The following IGF1 variants were observed in gnomAD, a reference collection of about 807,000 sequenced individuals.
IGF1 encodes the protein insulin-like growth factor 1.
Under a neutral mutation model 13.8 loss-of-function variants are expected in IGF1, and 4 were observed. That is an observed-to-expected ratio of 0.29 (90% CI 0.14 to 0.66). The LOEUF (loss-of-function observed/expected upper bound fraction) is 0.66. Among genes scored for constraint, IGF1 ranks in the 30% least tolerant of loss-of-function variants. The pLI, the probability that IGF1 is intolerant of heterozygous loss-of-function variation, is 0.78. For synonymous variants in IGF1, 76 were observed against 72.6 expected, an observed-to-expected ratio of 1.05 and a Z score of -0.23; for missense variants, 124 against 188.5, an observed-to-expected ratio of 0.66 and a Z score of 2.00.
chr12:102,427,177 G>A lies in IGF1; in HGVS notation c.221-7487C>T, dbSNP rs553004663. Among the ~76,000 whole-genome samples, 37 of 152,256 alleles carry A rather than the reference G, an allele frequency of 2.4e-4. No homozygotes were observed. In the East Asian group the frequency reaches 3.7e-3, roughly 15 times the overall value. On this transcript the variant is annotated intron_variant, in intron 2 of 3. Coordinates refer to ENST00000337514, the MANE Select transcript of IGF1 (RefSeq NM_000618.5). ...GAATAAGAAGGGATGTTGAGGAATC[G>A]CATACGTGGGCCTTAGCTGTCTCAT...
chr12:102,464,395 A>T (rs913330401), intron 2 of IGF1, among the ~76,000 whole-genome samples: 9 of 150,630 alleles, frequency 6.0e-5, no homozygotes, highest in Non-Finnish European at 8.8e-5. Context: ...GGGGACTGGA[A>T]GAAGGAAATA....
intron 2 of IGF1, among the ~76,000 whole-genome samples, chr12:102,445,411 C>T (rs1397373240): frequency 6.6e-6 from 1 of 152,090 alleles, no homozygotes; most frequent in Non-Finnish European, 1.5e-5. Flanking sequence ...CTCTGATTAC[C>T]TTGAGCAGTG....
chr12:102,408,405 T>C (rs553683528), intron 3 of IGF1, among the ~76,000 whole-genome samples: 1 of 152,310 alleles, frequency 6.6e-6, no homozygotes, highest in African/African-American at 2.4e-5. Context: ...GCGAGGGTCA[T>C]GCGATCTACT....
intron 2 of IGF1, among the ~76,000 whole-genome samples, chr12:102,441,906 G>GCTGCTGCTGCTGCTGCTGCTGCTTCTT: frequency 2.0e-5 from 2 of 100,292 alleles, no homozygotes; most frequent in African/African-American, 7.9e-5. Flanking sequence ...CTATTACACT[G>GCTGCTGCTGCTGCTGCTGCTGCTTCTT]CTTCTTCTCC....
intron 1 of IGF1, chr12:102,478,639 C>A: frequency 6.9e-7 from 1 of 1,452,810 alleles, no homozygotes; most frequent in Non-Finnish European, 9.1e-7. Flanking sequence ...TTTGGACACC[C>A]AGGCAGGTAT....
chr12:102,419,665 G>A lies in IGF1; in HGVS notation c.246C>T (p.Ser82=), dbSNP rs1476180663. Residue 82 remains serine (S), a synonymous_variant, in exon 3 of 4, where the codon AGC becomes AGT. Transcript: ENST00000337514. ...YFNKPTGYGS[S]SRRAPQTGIV... ...TGCCTGTCTGAGGCGCCCTCCGACT[G>A]CTGGAGCCATACCCTGTGGGCTTGT... The A allele has an allele frequency of 6.2e-7, 1 of 1,612,848 alleles. No homozygotes were observed. Among genetic ancestry groups the A allele is most frequent in the African/African-American group, 1.3e-5 (1 of 74,926 alleles).
chr12:102,410,282 A>C (rs1458351694), intron 3 of IGF1, among the ~76,000 whole-genome samples: 1 of 152,212 alleles, frequency 6.6e-6, no homozygotes, highest in Non-Finnish European at 1.5e-5. Context: ...GGATGTTGTA[A>C]AATACTTCAG....
upstream of IGF1, among the ~76,000 whole-genome samples, chr12:102,481,493 T>C (rs1469699507): frequency 6.6e-6 from 1 of 152,110 alleles, no homozygotes; most frequent in African/African-American, 2.4e-5. Flanking sequence ...GGTTATGATG[T>C]CATTCAAATC....
At chr12:102,459,510 G>A (rs560058558) in intron 2 of IGF1, among the ~76,000 whole-genome samples, 22 of 151,990 alleles carry the variant, frequency 1.4e-4, no homozygotes, top group African/African-American at 4.8e-4. Context: ...TATGGATCTC[G>A]GTGCAAAACA....
chr12:102,478,623 G>C, intron 1 of IGF1: 1 of 1,526,878 alleles, frequency 6.5e-7, no homozygotes, highest in Non-Finnish European at 8.8e-7. Context: ...AAAGCATCTA[G>C]TTACATTTGG....
At chr12:102,420,530 A>G (rs1378397695) in intron 2 of IGF1, among the ~76,000 whole-genome samples, 3 of 152,092 alleles carry the variant, frequency 2.0e-5, no homozygotes, top group Non-Finnish European at 4.4e-5. Flanking sequence ...CCAGGATCCT[A>G]TGTGGTTTGT....
intron 2 of IGF1, among the ~76,000 whole-genome samples, chr12:102,465,843 G>A (rs1566003011): frequency 1.3e-5 from 2 of 151,978 alleles, no homozygotes; most frequent in East Asian, 1.9e-4. Context: ...AGGCTGAGGC[G>A]GGAGAATTGC....
At chr12:102,436,737 A>C (rs761654111) in intron 2 of IGF1, among the ~76,000 whole-genome samples, 6 of 152,248 alleles carry the variant, frequency 3.9e-5, no homozygotes, top group Non-Finnish European at 5.9e-5. Flanking sequence ...GGTTACACCT[A>C]ATCATCAGAA....
intron 2 of IGF1, among the ~76,000 whole-genome samples, chr12:102,465,503 T>C (rs1307036147): frequency 6.6e-6 from 1 of 152,206 alleles, no homozygotes; most frequent in Non-Finnish European, 1.5e-5. Flanking sequence ...ATTGAATGAC[T>C]GTGATAGGAC....
intron 3 of IGF1, chr12:102,415,600 C>CCTTCCT (rs1875072406): frequency 4.2e-5 from 1 of 23,894 alleles, no homozygotes; most frequent in Admixed American, 5.5e-4. Context: ...CCTTCCTTCC[C>CCTTCCT]TCCCTCCCTC....
chr12:102,424,954 T>A (rs1177575947), intron 2 of IGF1, among the ~76,000 whole-genome samples: 1 of 152,236 alleles, frequency 6.6e-6, no homozygotes, highest in African/African-American at 2.4e-5. Context: ...TACATTGTCA[T>A]GTGCTTAGTA....
chr12:102,438,594 T>C (rs2137081133), intron 2 of IGF1, among the ~76,000 whole-genome samples: 1 of 152,320 alleles, frequency 6.6e-6, no homozygotes, highest in East Asian at 1.9e-4. Flanking sequence ...GTCCATTAAC[T>C]TCCTGAGGAA....
At position 102,439,236 on chromosome 12, in the gene IGF1, T is replaced by C. The variant is rs1051631065; in HGVS notation, c.221-19546A>G. 3.3e-5 allele frequency among the ~76,000 whole-genome samples: 5 copies of C among 152,274 alleles called. No homozygotes were observed. In the South Asian group the frequency reaches 8.3e-4, roughly 25 times the overall value. ...AAGGGGTGGCCTGCATTTTTTTTCA[T>C]GCTCAAAGCATGCTTGTGAGTATTG... On this transcript the variant is annotated intron_variant, in intron 2 of 3. Coordinates refer to ENST00000337514, the MANE Select transcript of IGF1 (RefSeq NM_000618.5).
At chr12:102,407,094 CAAA>C (rs57468885) in intron 3 of IGF1, among the ~76,000 whole-genome samples, 41 of 100,914 alleles carry the variant, frequency 4.1e-4, no homozygotes, top group Non-Finnish European at 5.7e-4. Context: ...ACTCTGTCTC[CAAA>C]AAAAAAAAAA....
Sources: gnomAD v4.1 joint callset for allele counts (sites outside exome capture counted in the v4.1 genomes callset) on GRCh38, gnomAD v4.1.1 for gene constraint, MANE v1.5 for transcripts, NCBI Gene and HGNC (gene_info 2026-07-23, HGNC 2026-07-21) for gene names.